PPFIBP2: variants seen among roughly 807,000 people sequenced by gnomAD.
PPFIBP2 encodes the protein PPFIB scaffold protein 2.
In PPFIBP2, 118 loss-of-function variants were observed where a neutral mutation model predicts 118.3. The observed-to-expected ratio is 1.00, with a 90% CI of 0.86 to 1.16. The LOEUF (loss-of-function observed/expected upper bound fraction) is 1.16, where lower values mean the gene tolerates loss of function less well. Among genes scored for constraint, PPFIBP2 ranks in the 50% most tolerant of loss-of-function variants. The probability of loss-of-function intolerance (pLI) is 0.00; values close to 1 mark genes in which losing one functional copy is unlikely to be tolerated. For synonymous variants in PPFIBP2, 414 were observed against 397.4 expected, an observed-to-expected ratio of 1.04 and a Z score of -0.50; for missense variants, 1,195 against 1,073.1, an observed-to-expected ratio of 1.11 and a Z score of -1.59.
intron 12 of PPFIBP2, 33 bp from the exon 13 acceptor site, chr11:7,634,462 C>T (rs1206418070): frequency 2.6e-6 from 4 of 1,546,484 alleles, no homozygotes; most frequent in South Asian, 2.2e-5. Context: ...ACCTCCTTCT[C>T]ATAACTATTT....
chr11:7,619,884 A>G (rs370341571), intron 6 of PPFIBP2, among the ~76,000 whole-genome samples: 117 of 152,354 alleles, frequency 7.7e-4, no homozygotes, highest in African/African-American at 2.6e-3. Context: ...TGCAGCATCC[A>G]TGTGATGTTA....
At chr11:7,631,294 T>G in intron 11 of PPFIBP2, 1 of 361,290 alleles carries the variant, frequency 2.8e-6, no homozygotes, top group Non-Finnish European at 5.1e-6. Flanking sequence ...TAGTTTATTT[T>G]TATCTTTTTT....
intron 6 of PPFIBP2, among the ~76,000 whole-genome samples, chr11:7,614,348 C>T (rs1470995386): frequency 6.6e-6 from 1 of 152,200 alleles, no homozygotes; most frequent in African/African-American, 2.4e-5. Flanking sequence ...GACACACACA[C>T]TTTCCCTCAT....
At chr11:7,627,395 G>C (rs951737737) in intron 8 of PPFIBP2, among the ~76,000 whole-genome samples, 4 of 151,704 alleles carry the variant, frequency 2.6e-5, no homozygotes, top group Non-Finnish European at 4.4e-5. Flanking sequence ...TGCTATTCTT[G>C]TTAGATACAA....
At chr11:7,645,883 T>A (rs1852983119) in intron 17 of PPFIBP2, among the ~76,000 whole-genome samples, 1 of 152,160 alleles carries the variant, frequency 6.6e-6, no homozygotes, top group Non-Finnish European at 1.5e-5. Context: ...CCCTCAGATA[T>A]GTTTGTTTTT....
chr11:7,532,164 G>GTCT (rs1441463171), intron 1 of PPFIBP2, among the ~76,000 whole-genome samples: 2 of 152,162 alleles, frequency 1.3e-5, no homozygotes. Context: ...TTAGATGGCT[G>GTCT]TCTTCTCCCT....
chr11:7,552,129 G>A (rs777770172), intron 2 of PPFIBP2, among the ~76,000 whole-genome samples: 1 of 152,156 alleles, frequency 6.6e-6, no homozygotes, highest in Non-Finnish European at 1.5e-5. Context: ...AGATTGGTAG[G>A]GAGGAATACC....
chr11:7,593,451 T>C (rs1004089928), intron 4 of PPFIBP2, among the ~76,000 whole-genome samples: 22 of 152,202 alleles, frequency 1.4e-4, no homozygotes, highest in African/African-American at 5.3e-4. Flanking sequence ...TCATTTATCA[T>C]GCACTCCCAA....
chr11:7,666,548 T>A, the PPFIBP2 span: 4 of 1,612,230 alleles, frequency 2.5e-6, no homozygotes, highest in Non-Finnish European at 3.4e-6. Context: ...TATCCTCCTC[T>A]GTCTAGAAAA....
chr11:7,577,852 G>C (rs1322579730), intron 3 of PPFIBP2, among the ~76,000 whole-genome samples: 1 of 152,176 alleles, frequency 6.6e-6, no homozygotes, highest in Non-Finnish European at 1.5e-5. Flanking sequence ...TCTAGTGAAT[G>C]AGCCTCTGTA....
chr11:7,560,269 C>G (rs1854150839), intron 2 of PPFIBP2, among the ~76,000 whole-genome samples: 1 of 152,186 alleles, frequency 6.6e-6, no homozygotes, highest in Admixed American at 6.5e-5. Flanking sequence ...TTTGAAAGAA[C>G]AAGAGAACCT....
chr11:7,607,011 C>T (rs563279964), intron 5 of PPFIBP2, among the ~76,000 whole-genome samples: 4 of 143,112 alleles, frequency 2.8e-5, no homozygotes, highest in East Asian at 2.1e-4. Context: ...CCCAGGTTCA[C>T]GCCATTCTCC....
At chr11:7,629,398 A>G in intron 9 of PPFIBP2, 61 bp from the exon 10 acceptor site, 1 of 1,537,284 alleles carries the variant, frequency 6.5e-7, no homozygotes, top group African/African-American at 1.4e-5. Context: ...TGGGTTCCAA[A>G]ATGAAATCAT....
At chr11:7,546,210 A>G (rs1211193726) in intron 1 of PPFIBP2, among the ~76,000 whole-genome samples, 1 of 152,202 alleles carries the variant, frequency 6.6e-6, no homozygotes, top group Non-Finnish European at 1.5e-5. Flanking sequence ...ACATTGTATG[A>G]TAATGGATTT....
the PPFIBP2 span, among the ~76,000 whole-genome samples, chr11:7,664,705 T>C: frequency 1.3e-5 from 2 of 151,998 alleles, no homozygotes; most frequent in Non-Finnish European, 2.9e-5. Flanking sequence ...CTGGAGTGTG[T>C]CCTGGAGAGA....
At chr11:7,531,814 G>A (rs1850715353) in intron 1 of PPFIBP2, among the ~76,000 whole-genome samples, 1 of 151,968 alleles carries the variant, frequency 6.6e-6, no homozygotes, top group South Asian at 2.1e-4. Flanking sequence ...GCCTCTCCTT[G>A]ACTTTTATTT....
At chr11:7,660,475 C>G (rs1394199393), downstream of PPFIBP2, among the ~76,000 whole-genome samples, 1 of 148,992 alleles carries the variant, frequency 6.7e-6, no homozygotes, top group African/African-American at 2.5e-5. Context: ...ATTAAACCAG[C>G]CTTGCATCCC....
At chr11:7,552,713 T>G (rs557791795) in intron 2 of PPFIBP2, among the ~76,000 whole-genome samples, 2 of 152,264 alleles carry the variant, frequency 1.3e-5, no homozygotes, top group South Asian at 4.1e-4. Flanking sequence ...TATGCATCCC[T>G]TTTACGTTCC....
At chr11:7,662,353 A>C in the PPFIBP2 span, among the ~76,000 whole-genome samples, 1 of 152,150 alleles carries the variant, frequency 6.6e-6, no homozygotes, top group Non-Finnish European at 1.5e-5. Flanking sequence ...GTGGTGACAA[A>C]ATCTCTCAGC....
Sources: allele counts gnomAD v4.1 joint callset (sites outside exome capture counted in the v4.1 genomes callset), GRCh38; gene constraint gnomAD v4.1.1; transcripts MANE v1.5; gene names NCBI Gene and HGNC (gene_info 2026-07-23, HGNC 2026-07-21).